Variants in RNF126 observed in about 807,000 individuals in gnomAD.
RNF126 encodes ring finger protein 126, also known as E3 ubiquitin-protein ligase RNF126.
Under a neutral mutation model 41.9 loss-of-function variants are expected in RNF126, and 20 were observed. The ratio of observed to expected loss-of-function variants is 0.48; its 90% CI spans 0.34 to 0.69. The LOEUF (loss-of-function observed/expected upper bound fraction) is 0.69, where lower values mean the gene tolerates loss of function less well. Among genes scored for constraint, RNF126 ranks in the 30% least tolerant of loss-of-function variants. RNF126 has a pLI of 0.01. For missense variants in RNF126, 433 were observed against 460.6 expected (o/e 0.94, Z 0.55); for synonymous variants, 239 against 202.9 (o/e 1.18, Z -1.51).
At chr19:660,007 C>T (rs1020327548) in intron 1 of RNF126, among the ~76,000 whole-genome samples, 1 of 152,186 alleles carries the variant, frequency 6.6e-6, no homozygotes, top group African/African-American at 2.4e-5. Context: ...TCAGGTGATC[C>T]GTCCACCTCA....
Position 648,093 on chromosome 19 carries a change from A to G in RNF126, c.*35T>C. On this transcript the variant is annotated 3_prime_UTR_variant, in exon 9 of 9. Transcript: ENST00000292363. ...GTGGCGCTGGCTGAGGGTGGGTGGGAAAGGCCCCGTGCTTTCCCGACGGCC... is the reference window on the plus strand; with the variant it reads ...GTGGCGCTGGCTGAGGGTGGGTGGGGAAGGCCCCGTGCTTTCCCGACGGCC... 6.6e-7 allele frequency: 1 copy of G among 1,524,770 alleles called. No homozygotes were observed. The highest frequency in any genetic ancestry group is 1.3e-5 in the South Asian group (1 of 77,644). The allele number at this position is 1,524,770 out of a possible 1,614,324, so 94.5% of individuals were successfully genotyped here.
At chr19:649,824 G>T in intron 5 of RNF126, 76 bp from the exon 6 acceptor site, 1 of 1,220,798 alleles carries the variant, frequency 8.2e-7, no homozygotes, top group South Asian at 1.3e-5. Flanking sequence ...ACTCACCAGG[G>T]GCCCAGGCTG....
intron 1 of RNF126, among the ~76,000 whole-genome samples, chr19:654,619 G>A (rs190126798): frequency 6.0e-4 from 74 of 122,830 alleles, no homozygotes; most frequent in Non-Finnish European, 9.8e-4. Flanking sequence ...CTGCAGCCTG[G>A]GCGAGGGAGC....
In RNF126 at chr19:648,360, C is replaced by T. The variant is rs769528654; in HGVS notation, c.786+12G>A. ...CGGTCGGGGTGGGGGGGCGGGTGGG[C>T]GGGGCACTCACCTGCTCCAGCCAGG... On this transcript the variant is annotated intron_variant, in intron 8 of 8. Coordinates refer to ENST00000292363, the MANE Select transcript of RNF126 (RefSeq NM_194460.3). The T allele has an allele frequency of 2.2e-4, 67 of 302,942 alleles. No homozygotes were observed. The East Asian group carries it at 6.5e-3, about 29-fold the overall frequency. The allele number at this position is 302,942 out of a possible 1,614,324, so 18.8% of individuals were successfully genotyped here.
At chr19:648,529 C>T in intron 7 of RNF126, 42 bp from the exon 8 acceptor site, 2 of 1,466,392 alleles carry the variant, frequency 1.4e-6, no homozygotes, top group Non-Finnish European at 1.9e-6. Context: ...GCGTGGGGGG[C>T]CTGCCGAGCC....
At chr19:652,018 C>A in intron 3 of RNF126, 163 bp from the exon 4 acceptor site, 4 of 713,106 alleles carry the variant, frequency 5.6e-6, no homozygotes, top group African/African-American at 3.7e-5. Flanking sequence ...GCCTGCCCCG[C>A]TGGTGTGAGA....
Position 659,348 on chromosome 19 carries a change from C to T in RNF126, c.75+3699G>A, listed in dbSNP as rs1265973691. Among the ~76,000 whole-genome samples the T allele has an allele frequency of 6.6e-6, 1 of 152,138 alleles. No homozygotes were observed. Among genetic ancestry groups the T allele is most frequent in the Non-Finnish European group, 1.5e-5 (1 of 68,004 alleles). On this transcript the variant is annotated intron_variant, in intron 1 of 8. Transcript: ENST00000292363. The surrounding 1 kb of genome is among the most constrained non-coding windows in gnomAD (Gnocchi z 4.9). ...CAGCCCTCACTTCCTGGTGGCTCCC[C>T]GCCCACGCCGGCTCTTCCCCGCCAC...
intron 1 of RNF126, among the ~76,000 whole-genome samples, chr19:658,911 G>A (rs2030679259): frequency 1.3e-5 from 2 of 152,228 alleles, no homozygotes; most frequent in Non-Finnish European, 1.5e-5. Flanking sequence ...CATGGTGGCA[G>A]AGTTCTAAGT....
chr19:657,677 G>A (rs911198719), intron 1 of RNF126, among the ~76,000 whole-genome samples: 16 of 152,188 alleles, frequency 1.1e-4, no homozygotes, highest in Admixed American at 9.2e-4. Flanking sequence ...GGGTGCCATC[G>A]AGGACGCCAA....
intron 1 of RNF126, among the ~76,000 whole-genome samples, chr19:662,379 G>A (rs1019983623): frequency 2.0e-5 from 3 of 152,210 alleles, no homozygotes; most frequent in Non-Finnish European, 1.5e-5. Context: ...TAAACACCTG[G>A]AGGAAGGGTG....
intron 4 of RNF126, 113 bp downstream of exon 4, chr19:651,498 A>C: frequency 5.9e-5 from 68 of 1,148,130 alleles, no homozygotes; most frequent in Non-Finnish European, 6.9e-5. Flanking sequence ...CGGCCTCTCC[A>C]GAGAGCCTAT....
chr19:653,846 G>A (rs900440619), intron 1 of RNF126, among the ~76,000 whole-genome samples: 5 of 152,218 alleles, frequency 3.3e-5, no homozygotes, highest in Admixed American at 6.5e-5. Context: ...GTGTCATCAC[G>A]CCAGGGGCTC....
chr19:647,914 G>T lies in RNF126; in HGVS notation c.*214C>A. 1 of 638,258 alleles carries T rather than the reference G, an allele frequency of 1.6e-6. No individual in the cohort carries two copies. The allele number at this position is 638,258 out of a possible 1,614,324, so 39.5% of individuals were successfully genotyped here. The stretch of plus-strand genomic sequence containing the variant: ...GTGAGGTTAGACAGAGGACGGGGAG[G>T]CTGGGGACGCCCCAGAGGGGACCAT... On this transcript the variant is annotated 3_prime_UTR_variant, in exon 9 of 9. Coordinates refer to ENST00000292363, the MANE Select transcript of RNF126 (RefSeq NM_194460.3).
At chr19:658,969 A>T (rs1349004636) in intron 1 of RNF126, among the ~76,000 whole-genome samples, 1 of 152,186 alleles carries the variant, frequency 6.6e-6, no homozygotes, top group South Asian at 2.1e-4. Flanking sequence ...CCCCAGCGCC[A>T]GCCGGCCAGA....
At chr19:652,439 G>A (rs1028276362) in intron 2 of RNF126, 143 bp from the exon 3 acceptor site, 18 of 726,654 alleles carry the variant, frequency 2.5e-5, no homozygotes, top group Admixed American at 3.1e-5. Flanking sequence ...AGCATTTGGT[G>A]CCGTAACCCG....
At chr19:652,034 C>T (rs547231769) in intron 3 of RNF126, 179 bp from the exon 4 acceptor site, 200 of 688,378 alleles carry the variant, frequency 2.9e-4, no homozygotes, top group East Asian at 2.8e-3. Context: ...TGAGATGCCT[C>T]GGTGGAAGTT....
Position 651,804 on chromosome 19 carries a change from A to G in RNF126, c.250T>C (p.Phe84Leu). 6.2e-7 allele frequency: 1 copy of G among 1,612,756 alleles called. No homozygotes were observed. The highest frequency in any genetic ancestry group is 8.5e-7 in the Non-Finnish European group (1 of 1,179,870). Residue 84 changes from phenylalanine (F) to leucine (L), a missense_variant, in exon 4 of 9, where the codon TTC (phenylalanine) becomes CTC (leucine). Transcript: ENST00000292363. ...TCGAAGCTGTCATCGAAGATGCCGA[A>G]AGCAAACTGTCCGTAGCCCTGCGGC... Reference protein sequence around the residue: ...TLPQGYGQFAFGIFDDSFEIP... With the variant: ...TLPQGYGQFALGIFDDSFEIP...
At chr19:658,534 C>T (rs1394157771) in intron 1 of RNF126, among the ~76,000 whole-genome samples, 1 of 152,136 alleles carries the variant, frequency 6.6e-6, no homozygotes, top group African/African-American at 2.4e-5. Flanking sequence ...CAAAGCTTCC[C>T]GGCTGATCCA....
In RNF126 at chr19:663,210, C is replaced by A; in HGVS notation, c.-89G>T. ...GCTCCCTCGCCGGCCGACGCGCCCGCGCACGCTCACGCACGGCACGCACGG... is the reference window on the plus strand; with the variant it reads ...GCTCCCTCGCCGGCCGACGCGCCCGAGCACGCTCACGCACGGCACGCACGG... On this transcript the variant is annotated 5_prime_UTR_variant, in exon 1 of 9. Coordinates refer to ENST00000292363, the MANE Select transcript of RNF126 (RefSeq NM_194460.3). 1 of 339,196 alleles carries A rather than the reference C, an allele frequency of 2.9e-6. No homozygotes were observed. The allele number at this position is 339,196 out of a possible 1,614,324, so 21.0% of individuals were successfully genotyped here.
Sources: gnomAD v4.1 joint callset for allele counts (sites outside exome capture counted in the v4.1 genomes callset) on GRCh38, gnomAD v4.1.1 for gene constraint, Gnocchi (gnomAD v3.1) non-coding constraint, MANE v1.5 for transcripts, NCBI Gene and HGNC (gene_info 2026-07-23, HGNC 2026-07-21) for gene names.